TMEM126A: variants seen among roughly 807,000 people sequenced by gnomAD.
The protein encoded by TMEM126A is transmembrane protein 126A.
TMEM126A carries 10 observed loss-of-function variants against 18.3 expected under a neutral mutation model. That is an observed-to-expected ratio of 0.55 (90% CI 0.34 to 0.93). TMEM126A has a LOEUF of 0.93. Ranked by LOEUF, TMEM126A falls within the 40% of genes least tolerant of loss-of-function variation. The pLI is 0.02. For missense variants in TMEM126A, 246 were observed against 230.2 expected, an observed-to-expected ratio of 1.07 and a Z score of -0.44; for synonymous variants, 68 against 78.1, an observed-to-expected ratio of 0.87 and a Z score of 0.68.
chr11:85,656,407 T>G lies in TMEM126A; in HGVS notation c.494T>G (p.Leu165Arg). 1 of 1,613,322 alleles carries G rather than the reference T, an allele frequency of 6.2e-7. No individual in the cohort carries two copies. Among genetic ancestry groups the G allele is most frequent in the Non-Finnish European group, 8.5e-7 (1 of 1,179,606 alleles). ...AGAAAGATGTTATTTCCTATTTTGC[T>G]CCAGACTATGTTTTCAGCATACCTT... ...VFRKMLFPIL[L>R]QTMFSAYLGS... The change falls in exon 5 of 5, where the codon CTC becomes CGC. Residue 165 changes from leucine to arginine, a missense_variant. Leu to Arg is a moderately radical substitution (Grantham distance 102). Coordinates refer to ENST00000304511, the MANE Select transcript of TMEM126A (RefSeq NM_032273.4).
chr11:85,654,128 A>T lies in TMEM126A; in HGVS notation c.152A>T (p.Asn51Ile). The T allele has an allele frequency of 6.2e-7, 1 of 1,614,150 alleles. No homozygotes were observed. The highest frequency in any genetic ancestry group is 8.5e-7 in the Non-Finnish European group (1 of 1,180,026). The change falls in exon 3 of 5, where the codon AAC (asparagine) becomes ATC (isoleucine). Residue 51 changes from asparagine to isoleucine, a missense_variant. By Grantham distance (149) the Asn-to-Ile change is moderately radical. Transcript: ENST00000304511. ...GCTGCTCTTTGTGGCCTCATAGCAA[A>T]CAGTCTTTTTCGACGCATCTTGAAT... ...LNAALCGLIA[N>I]SLFRRILNVT...
At chr11:85,649,059 C>G (rs1334898862) in intron 1 of TMEM126A, among the ~76,000 whole-genome samples, 6 of 151,960 alleles carry the variant, frequency 3.9e-5, no homozygotes, top group Admixed American at 2.6e-4. Flanking sequence ...CTCAGCCTCC[C>G]GAGTAGCTGG....
intron 3 of TMEM126A, 112 bp downstream of exon 3, chr11:85,654,368 A>T: frequency 9.3e-7 from 1 of 1,072,114 alleles, no homozygotes; most frequent in Non-Finnish European, 1.4e-6. Context: ...AGTTAAGATT[A>T]AATCTTGCTA....
intron 2 of TMEM126A, among the ~76,000 whole-genome samples, chr11:85,653,675 G>T (rs1385239978): frequency 6.6e-6 from 1 of 152,192 alleles, no homozygotes; most frequent in Non-Finnish European, 1.5e-5. Flanking sequence ...AGGGAAGAGT[G>T]AAAGAAATCA....
chr11:85,651,194 G>T (rs954335057), intron 2 of TMEM126A, among the ~76,000 whole-genome samples: 1 of 152,170 alleles, frequency 6.6e-6, no homozygotes, highest in East Asian at 1.9e-4. Flanking sequence ...AGTCAAGAAG[G>T]TCTCTCTGAC....
Position 85,648,049 on chromosome 11 carries a change from A to G in TMEM126A, c.-48A>G, listed in dbSNP as rs530082064. On this transcript the variant is annotated 5_prime_UTR_variant, in exon 1 of 5. Coordinates refer to ENST00000304511, the MANE Select transcript of TMEM126A (RefSeq NM_032273.4). ...ACAGTGAACTCCGGCGTGGCTGAGG[A>G]AGGAGGAGGCACCCACAGGCTGCTG... is the stretch of plus-strand genomic sequence containing the variant. The G allele has an allele frequency of 7.4e-6, 1 of 134,718 alleles. No homozygotes were observed. Among genetic ancestry groups the G allele is most frequent in the South Asian group, 2.6e-4 (1 of 3,862 alleles). 8.3% of individuals were successfully genotyped at this position (134,718 alleles called of 1,614,324 possible). A position where few individuals can be genotyped will look rare whatever the true frequency, so the allele number is the denominator to read the frequency against.
intron 2 of TMEM126A, among the ~76,000 whole-genome samples, chr11:85,651,001 G>A (rs954450730): frequency 2.0e-5 from 3 of 147,912 alleles, no homozygotes; most frequent in Non-Finnish European, 4.5e-5. Context: ...CCAGGGAGGC[G>A]GAGGTTGCAG....
At chr11:85,654,973 A>C (rs1209153904) in intron 3 of TMEM126A, among the ~76,000 whole-genome samples, 2 of 151,992 alleles carry the variant, frequency 1.3e-5, no homozygotes, top group Non-Finnish European at 2.9e-5. Context: ...AACTCTTTAT[A>C]CAGTAAATCT....
rs768503384 is a variant in TMEM126A, at chr11:85,650,275, A to T, written c.20A>T (p.Asn7Ile). The T allele has an allele frequency of 1.4e-5, 22 of 1,600,558 alleles. No homozygotes were observed. Among genetic ancestry groups the T allele is most frequent in the African/African-American group, 2.7e-5 (2 of 74,602 alleles). The change falls in exon 2 of 5, where the codon AAT becomes ATT. Residue 7 changes from asparagine (N) to isoleucine (I), a missense_variant. Asn to Ile is a moderately radical substitution (Grantham distance 149). Coordinates refer to ENST00000304511, the MANE Select transcript of TMEM126A (RefSeq NM_032273.4). MENHKSNNKENITIVDI... is the reference protein window; with the variant it reads MENHKSINKENITIVDI... ...CTCAAAATGGAAAATCATAAATCCA[A>T]TAATAAGGAAAACATAACAATTGTT...
intron 3 of TMEM126A, chr11:85,655,355 T>C (rs2082529843): frequency 2.3e-6 from 1 of 426,820 alleles, no homozygotes; most frequent in Non-Finnish European, 4.3e-6. Flanking sequence ...CATGAGATTA[T>C]TATATCTAAG....
At chr11:85,656,205 T>A in intron 4 of TMEM126A, 104 bp from the exon 5 acceptor site, 1 of 1,018,574 alleles carries the variant, frequency 9.8e-7, no homozygotes, top group Non-Finnish European at 1.5e-6. Flanking sequence ...TACTTTAATA[T>A]TCAGTTTTAT....
chr11:85,654,749 G>A (rs374285791), intron 3 of TMEM126A, among the ~76,000 whole-genome samples: 1 of 151,948 alleles, frequency 6.6e-6, no homozygotes, highest in African/African-American at 2.4e-5. Flanking sequence ...CACTGCACCC[G>A]GCAATACTTC....
chr11:85,654,369 A>C, intron 3 of TMEM126A, 113 bp downstream of exon 3: 1 of 1,071,514 alleles, frequency 9.3e-7, no homozygotes, highest in Non-Finnish European at 1.4e-6. Flanking sequence ...GTTAAGATTA[A>C]ATCTTGCTAG....
At chr11:85,648,361 A>C (rs1000450511) in intron 1 of TMEM126A, among the ~76,000 whole-genome samples, 1 of 152,214 alleles carries the variant, frequency 6.6e-6, no homozygotes, top group Non-Finnish European at 1.5e-5. Context: ...TGATTTTCAG[A>C]GGTCCCACTT....
At chr11:85,653,893 G>T (rs977062212) in intron 2 of TMEM126A, 170 bp from the exon 3 acceptor site, 1 of 700,506 alleles carries the variant, frequency 1.4e-6, no homozygotes, top group Non-Finnish European at 2.5e-6. Flanking sequence ...TGGCTGCTGG[G>T]AGAAGAGCAA....
chr11:85,655,843 G>T, intron 4 of TMEM126A, 135 bp downstream of exon 4: 1 of 636,586 alleles, frequency 1.6e-6, no homozygotes, highest in South Asian at 1.9e-5. Context: ...AGCAAGACCT[G>T]TTTTTTCTTA....
At chr11:85,653,561 T>A (rs1332920826) in intron 2 of TMEM126A, among the ~76,000 whole-genome samples, 1 of 152,238 alleles carries the variant, frequency 6.6e-6, no homozygotes, top group Admixed American at 6.5e-5. Context: ...GTTCTACCAC[T>A]ACCTGAAAAC....
At chr11:85,651,123 A>G (rs1472024371) in intron 2 of TMEM126A, among the ~76,000 whole-genome samples, 1 of 152,064 alleles carries the variant, frequency 6.6e-6, no homozygotes, top group East Asian at 1.9e-4. Context: ...TATAGGGAAC[A>G]TACTAATCTT....
At chr11:85,652,312 T>C (rs2082506639) in intron 2 of TMEM126A, among the ~76,000 whole-genome samples, 1 of 152,262 alleles carries the variant, frequency 6.6e-6, no homozygotes, top group African/African-American at 2.4e-5. Flanking sequence ...ACTAGGCAGA[T>C]TACAGTGTCC....
Sources: allele counts gnomAD v4.1 joint callset (sites outside exome capture counted in the v4.1 genomes callset), GRCh38; gene constraint gnomAD v4.1.1; transcripts MANE v1.5; gene names NCBI Gene and HGNC (gene_info 2026-07-23, HGNC 2026-07-21).